KDM5C: variants seen among roughly 807,000 people sequenced by gnomAD.
KDM5C encodes the protein lysine demethylase 5C.
Under a neutral mutation model 110.6 loss-of-function variants are expected in KDM5C, and 16 were observed. That is an observed-to-expected ratio of 0.14 (90% CI 0.10 to 0.22). The LOEUF is 0.22. Ranked by LOEUF, KDM5C falls within the 10% of genes least tolerant of loss-of-function variation. The probability of loss-of-function intolerance (pLI) is 1.00; values close to 1 mark genes in which losing one functional copy is unlikely to be tolerated. For missense variants in KDM5C, 681 were observed against 1,300.9 expected, an observed-to-expected ratio of 0.52 and a Z score of 7.33; for synonymous variants, 511 against 520.4, an observed-to-expected ratio of 0.98 and a Z score of 0.24.
chrX:53,223,034 G>C (rs1556855375), intron 1 of KDM5C, among the ~76,000 whole-genome samples: 1 of 112,072 alleles, frequency 8.9e-6, no homozygotes, highest in African/African-American at 3.3e-5. Flanking sequence ...TCCTGGATTA[G>C]AGAGAAGCAC....
At chrX:53,198,001 C>A in intron 17 of KDM5C, 125 bp from the exon 18 acceptor site, 1 of 552,327 alleles carries the variant, frequency 1.8e-6, no homozygotes, top group South Asian at 2.5e-5. Context: ...TCAAATTTGC[C>A]CCAATTGCCC....
At position 53,198,631 on chromosome X, in the gene KDM5C, T is replaced by G. The variant is rs782426227; in HGVS notation, c.2375A>C (p.Glu792Ala). 5.0e-6 allele frequency: 6 copies of G among 1,210,260 alleles called. No individual in the cohort carries two copies. The highest frequency in any genetic ancestry group is 5.6e-6 in the Non-Finnish European group (5 of 895,297). The change falls in exon 17 of 26, where the codon GAA (glutamate) becomes GCA (alanine). Residue 792 changes from glutamate to alanine, a missense_variant. This residue lies in a region of KDM5C where 123 missense variants were observed against 169.0 expected (regional missense o/e 0.73). Transcript: ENST00000375401. Reference protein sequence around the residue: ...EVEDGRKRSLEELRALESEAR... With the variant: ...EVEDGRKRSLAELRALESEAR... ...TTCAGACTCTAGTGCCCTCAGTTCT[T>G]CAAGGCCTGGAAGAAAAATGAGGGC...
chrX:53,208,891 C>A (rs781797849), intron 12 of KDM5C, among the ~76,000 whole-genome samples: 1 of 96,846 alleles, frequency 1.0e-5, no homozygotes, highest in South Asian at 5.6e-4. Flanking sequence ...TCTCGGCTCA[C>A]TGCAACCTCT....
intron 12 of KDM5C, among the ~76,000 whole-genome samples, chrX:53,207,955 C>A (rs1461892769): frequency 1.2e-5 from 1 of 81,063 alleles, no homozygotes; most frequent in African/African-American, 5.1e-5. Flanking sequence ...GGTGACAGAG[C>A]GAGACTCTGT....
At chrX:53,185,657 G>A (rs936204882) in intron 25 of KDM5C, among the ~76,000 whole-genome samples, 6 of 110,816 alleles carry the variant, frequency 5.4e-5, no homozygotes, top group African/African-American at 9.8e-5. Context: ...GTTGGGTCTC[G>A]TTCTTATAAT....
At chrX:53,209,732 C>A (rs915773796) in intron 12 of KDM5C, among the ~76,000 whole-genome samples, 1 of 111,877 alleles carries the variant, frequency 8.9e-6, no homozygotes, top group South Asian at 3.7e-4. Flanking sequence ...TGATGCTAAT[C>A]AATGCTAGAA....
chrX:53,217,309 A>G, intron 4 of KDM5C, 32 bp from the exon 5 acceptor site: 1 of 1,208,571 alleles, frequency 8.3e-7, no homozygotes, highest in Non-Finnish European at 1.1e-6. Flanking sequence ...GGGTCAGGAC[A>G]TGGACTCCAG....
chrX:53,183,794 C>A (rs936527693), intron 25 of KDM5C, among the ~76,000 whole-genome samples: 2 of 110,672 alleles, frequency 1.8e-5, no homozygotes, highest in East Asian at 2.8e-4. Flanking sequence ...AGGCTGGCCT[C>A]GAACTCCTGA....
rs782210822 is a variant in KDM5C, at chrX:53,199,645, C to G, written c.2062-487G>C. On this transcript the variant is annotated intron_variant, in intron 14 of 25. Coordinates refer to ENST00000375401, the MANE Select transcript of KDM5C (RefSeq NM_004187.5). ...CATATATAACTTAGAGAAATTCAAC[C>G]GTATGTGCTTGTGTTCAGGGTTTAA... is the stretch of plus-strand genomic sequence containing the variant. Among the ~76,000 whole-genome samples, 3 of 111,887 alleles carry G rather than the reference C, an allele frequency of 2.7e-5. No homozygotes were observed. In the South Asian group the frequency reaches 1.1e-3, roughly 41 times the overall value.
chrX:53,192,881 C>CCCCCCCCCCAAA lies in KDM5C; in HGVS notation c.*85_*86insTTTGGGGGGGGG. 1.9e-6 allele frequency: 2 copies of CCCCCCCCCCAAA among 1,054,394 alleles called. No homozygotes were observed. Among genetic ancestry groups the CCCCCCCCCCAAA allele is most frequent in the Non-Finnish European group, 2.5e-6 (2 of 802,784 alleles). The allele number at this position is 1,054,394 out of a possible 1,213,427, so 86.9% of individuals were successfully genotyped here. ...TGGCCACCCCCCTACCCGCCCACCC[C>CCCCCCCCCCAAA]CCAAGAAGCAGGCTTGATGGTCAGA... is the stretch of plus-strand genomic sequence containing the variant. On this transcript the variant is annotated 3_prime_UTR_variant, in exon 26 of 26. Coordinates refer to ENST00000375401, the MANE Select transcript of KDM5C (RefSeq NM_004187.5).
At position 53,198,839 on chromosome X, in the gene KDM5C, C is replaced by T; in HGVS notation, c.2293G>A (p.Val765Ile). The T allele has an allele frequency of 8.2e-7, 1 of 1,212,286 alleles. No homozygotes were observed. Among genetic ancestry groups the T allele is most frequent in the South Asian group, 1.8e-5 (1 of 57,037 alleles). The change falls in exon 16 of 26, where the codon GTT becomes ATT. Residue 765 changes from valine to isoleucine, a missense_variant. Physicochemically the swap from Val to Ile is conservative, Grantham distance 29. Around this residue, in one of 14 missense-constraint regions of KDM5C, gnomAD observed 123 missense variants for 169.0 expected, o/e 0.73. Coordinates refer to ENST00000375401, the MANE Select transcript of KDM5C (RefSeq NM_004187.5). ...CAGGTGTCAAAGGACTCAGCCCGAACCTTCAGCTTATGCAGCATGGCAGGA... is the reference window on the plus strand; with the variant it reads ...CAGGTGTCAAAGGACTCAGCCCGAATCTTCAGCTTATGCAGCATGGCAGGA... Reference protein sequence around the residue: ...ELPAMLHKLKVRAESFDTWAN... With the variant: ...ELPAMLHKLKIRAESFDTWAN...
At chrX:53,209,788 C>T (rs2073502860) in intron 12 of KDM5C, among the ~76,000 whole-genome samples, 1 of 112,038 alleles carries the variant, frequency 8.9e-6, no homozygotes, top group African/African-American at 3.2e-5. Flanking sequence ...ATGTTGTATA[C>T]CCAGCAAAAT....
At chrX:53,217,993 G>A in intron 3 of KDM5C, 27 bp from the exon 4 acceptor site, 2 of 1,200,030 alleles carry the variant, frequency 1.7e-6, no homozygotes, top group Non-Finnish European at 1.1e-6. Flanking sequence ...GAAAAGACAT[G>A]GATGTGCCAC....
At chrX:53,190,413 T>G (rs781956137), downstream of KDM5C, among the ~76,000 whole-genome samples, 2 of 112,556 alleles carry the variant, frequency 1.8e-5, no homozygotes, top group African/African-American at 3.2e-5. Flanking sequence ...AGCAGTTCTC[T>G]AACCTGGGAG....
intron 5 of KDM5C, 107 bp downstream of exon 5, chrX:53,217,036 G>A (rs2073762740): frequency 1.0e-6 from 1 of 962,203 alleles, no homozygotes; most frequent in Admixed American, 2.6e-5. Flanking sequence ...GAAGAACTCA[G>A]AGAACAAAAG....
rs797033023 is a variant in KDM5C, at chrX:53,208,414, T to C, written c.1746+2000A>G. On this transcript the variant is annotated intron_variant, in intron 12 of 25. Coordinates refer to ENST00000375401, the MANE Select transcript of KDM5C (RefSeq NM_004187.5). ...ATGTATATATACATATATATACACATACATATATATATATATATATATATA... is the reference window on the plus strand; with the variant it reads ...ATGTATATATACATATATATACACACACATATATATATATATATATATATA... Among the ~76,000 whole-genome samples, 10 of 15,679 alleles carry C rather than the reference T, an allele frequency of 6.4e-4. No individual in the cohort carries two copies. In the South Asian group the frequency reaches 0.02, roughly 31 times the overall value. The allele number at this position is 15,679 out of a possible 115,157, so 13.6% of individuals were successfully genotyped here. A position where few individuals can be genotyped will look rare whatever the true frequency, so the allele number is the denominator to read the frequency against.
At chrX:53,195,589 G>T (rs1934781901) in intron 20 of KDM5C, 179 bp from the exon 21 acceptor site, 3 of 512,265 alleles carry the variant, frequency 5.9e-6, no homozygotes, top group Non-Finnish European at 1.0e-5. Flanking sequence ...TCTACTGACT[G>T]GCTCAGCCCC....
At chrX:53,218,025 T>G in intron 3 of KDM5C, 59 bp from the exon 4 acceptor site, 3 of 1,139,168 alleles carry the variant, frequency 2.6e-6, no homozygotes, top group East Asian at 6.1e-5. Flanking sequence ...TGTGAGGGAG[T>G]AGGCCTGTAG....
chrX:53,191,938 G>A (rs1271780124), downstream of KDM5C: 11 of 174,214 alleles, frequency 6.3e-5, no homozygotes, highest in Non-Finnish European at 1.2e-4. Flanking sequence ...GAGGGGGCCC[G>A]AGCCCATCTG....
Sources: allele counts gnomAD v4.1 joint callset (sites outside exome capture counted in the v4.1 genomes callset), GRCh38; gene constraint gnomAD v4.1.1; regional missense constraint gnomAD v4.1.1; transcripts MANE v1.5; gene names NCBI Gene and HGNC (gene_info 2026-07-23, HGNC 2026-07-21).